BABAM2: variants seen among roughly 807,000 people sequenced by gnomAD.
BABAM2 encodes the protein BRISC and BRCA1 A complex member 2.
A neutral mutation model predicts 54.7 loss-of-function variants in BABAM2; 31 were observed. The observed-to-expected ratio is 0.57, with a 90% CI of 0.43 to 0.77. The LOEUF (loss-of-function observed/expected upper bound fraction) is 0.77, where lower values mean the gene tolerates loss of function less well. BABAM2 is among the 30% of genes least tolerant of loss of function. The probability of loss-of-function intolerance (pLI) is 0.00; values close to 1 mark genes in which losing one functional copy is unlikely to be tolerated. For synonymous variants in BABAM2, 167 were observed against 162.9 expected (o/e 1.03, Z -0.19); for missense variants, 364 against 455.8 (o/e 0.80, Z 1.83).
intron 10 of BABAM2, among the ~76,000 whole-genome samples, chr2:28,264,351 GA>G (rs1411081014): frequency 6.6e-6 from 1 of 151,580 alleles, no homozygotes; most frequent in African/African-American, 2.4e-5. Flanking sequence ...ATTGAAAAAA[GA>G]AAAAAAACTC....
At chr2:28,238,441 A>G (rs1682114976) in intron 8 of BABAM2, among the ~76,000 whole-genome samples, 2 of 152,232 alleles carry the variant, frequency 1.3e-5, no homozygotes. Context: ...GCTTGGAAAA[A>G]TAGATCTTTT....
intron 7 of BABAM2, among the ~76,000 whole-genome samples, chr2:28,160,727 T>A (rs1391358789): frequency 1.4e-5 from 2 of 143,748 alleles, no homozygotes; most frequent in Non-Finnish European, 3.0e-5. Context: ...GAAAGGAACA[T>A]ATAAATTGTT....
intron 7 of BABAM2, among the ~76,000 whole-genome samples, chr2:28,229,042 C>T (rs1004906273): frequency 2.0e-5 from 3 of 152,180 alleles, no homozygotes; most frequent in African/African-American, 7.2e-5. Flanking sequence ...AGTCCTCTGG[C>T]CCTGAACTAA....
At position 28,095,173 on chromosome 2, in the gene BABAM2, T is replaced by C. The variant is rs184345107; in HGVS notation, c.571-34098T>C. On this transcript the variant is annotated intron_variant, in intron 6 of 11. Coordinates refer to ENST00000379624, the MANE Select transcript of BABAM2 (RefSeq NM_199191.3). ...ATTTCCTCCATAGCAGTCCCGTCAT[T>C]TTATAGGTGAGGAAACTGAGGCATT... is the stretch of plus-strand genomic sequence containing the variant. Among the ~76,000 whole-genome samples, 6 of 152,252 alleles carry C rather than the reference T, an allele frequency of 3.9e-5. No homozygotes were observed. In the East Asian group the frequency reaches 1.2e-3, roughly 29 times the overall value.
chr2:28,000,596 G>T (rs900117824), intron 4 of BABAM2, among the ~76,000 whole-genome samples: 6 of 152,122 alleles, frequency 3.9e-5, no homozygotes, highest in African/African-American at 9.7e-5. Context: ...GTCTCACTGT[G>T]TGCAACCCAC....
chr2:27,919,666 G>A (rs1253489403), intron 2 of BABAM2, among the ~76,000 whole-genome samples: 1 of 152,128 alleles, frequency 6.6e-6, no homozygotes, highest in Non-Finnish European at 1.5e-5. Context: ...AAGAAGAAAG[G>A]TTGAAAATTA....
At chr2:27,922,755 A>G (rs534052396) in intron 2 of BABAM2, among the ~76,000 whole-genome samples, 25 of 152,336 alleles carry the variant, frequency 1.6e-4, no homozygotes, top group Non-Finnish European at 2.4e-4. Flanking sequence ...CACACAGTGA[A>G]CACTGATGAA....
At chr2:28,311,393 C>G (rs1259566323) in intron 11 of BABAM2, among the ~76,000 whole-genome samples, 2 of 152,062 alleles carry the variant, frequency 1.3e-5, no homozygotes, top group African/African-American at 4.8e-5. Flanking sequence ...CACGTATTCT[C>G]TTTCCTGGAA....
intron 6 of BABAM2, among the ~76,000 whole-genome samples, chr2:28,081,904 T>A (rs1177224357): frequency 6.6e-6 from 1 of 152,226 alleles, no homozygotes; most frequent in African/African-American, 2.4e-5. Flanking sequence ...TACATGCAGT[T>A]TTTAATAAAA....
At chr2:28,013,730 C>CAT (rs1553411799) in intron 4 of BABAM2, among the ~76,000 whole-genome samples, 4 of 136,894 alleles carry the variant, frequency 2.9e-5, no homozygotes, top group Admixed American at 1.4e-4. Context: ...CACACACACA[C>CAT]GTGTGTGTGT....
chr2:28,065,259 C>T (rs903652485), intron 6 of BABAM2, among the ~76,000 whole-genome samples: 1 of 152,162 alleles, frequency 6.6e-6, no homozygotes, highest in Non-Finnish European at 1.5e-5. Context: ...ACTGGTGCCT[C>T]TTTAATGCCA....
chr2:28,105,515 G>GA (rs1429991441), intron 6 of BABAM2, among the ~76,000 whole-genome samples: 2 of 152,038 alleles, frequency 1.3e-5, no homozygotes, highest in East Asian at 1.9e-4. Flanking sequence ...AAAAACTTAA[G>GA]TTTTTTTTCT....
chr2:28,014,171 G>A (rs552535250), intron 4 of BABAM2, among the ~76,000 whole-genome samples: 22 of 152,076 alleles, frequency 1.4e-4, no homozygotes, highest in African/African-American at 4.6e-4. Flanking sequence ...ATACAGGATG[G>A]GGGGAGGTAA....
chr2:28,055,639 G>T (rs1214868997), intron 6 of BABAM2, among the ~76,000 whole-genome samples: 1 of 152,178 alleles, frequency 6.6e-6, no homozygotes, highest in African/African-American at 2.4e-5. Flanking sequence ...GAAGTTACAG[G>T]TAGTTTCTTG....
intron 11 of BABAM2, among the ~76,000 whole-genome samples, chr2:28,323,033 G>T (rs1690153137): frequency 6.6e-6 from 1 of 152,186 alleles, no homozygotes; most frequent in South Asian, 2.1e-4. Context: ...GCCAAGGAGG[G>T]CTCTGCCCGT....
chr2:28,102,554 C>A (rs1667176479), intron 6 of BABAM2, among the ~76,000 whole-genome samples: 1 of 152,140 alleles, frequency 6.6e-6, no homozygotes, highest in South Asian at 2.1e-4. Flanking sequence ...AGCAGTTGTG[C>A]CTTTGTAGAG....
intron 6 of BABAM2, among the ~76,000 whole-genome samples, chr2:28,127,085 A>G (rs1669615526): frequency 1.3e-5 from 2 of 152,082 alleles, no homozygotes; most frequent in Admixed American, 6.5e-5. Flanking sequence ...CTGATTTTGT[A>G]GGTTGCCTGT....
At chr2:28,221,455 G>A (rs1416502814) in intron 7 of BABAM2, among the ~76,000 whole-genome samples, 1 of 152,114 alleles carries the variant, frequency 6.6e-6, no homozygotes, top group Non-Finnish European at 1.5e-5. Flanking sequence ...TTTAGTTGTT[G>A]TTGTTGTTGT....
At chr2:27,978,774 T>G (rs55836314) in intron 3 of BABAM2, among the ~76,000 whole-genome samples, 11,835 of 152,176 alleles carry the variant, frequency 0.078, 780 homozygotes, top group African/African-American at 0.18. Context: ...GGTAGGTTTT[T>G]GACCATCACC....
Sources: allele counts gnomAD v4.1 joint callset (sites outside exome capture counted in the v4.1 genomes callset), GRCh38; gene constraint gnomAD v4.1.1; transcripts MANE v1.5; gene names NCBI Gene and HGNC (gene_info 2026-07-23, HGNC 2026-07-21).